The following SEL1L variants were observed in gnomAD, a reference collection of about 807,000 sequenced individuals.
SEL1L encodes SEL1L adaptor subunit of SYVN1 ubiquitin ligase.
A neutral mutation model predicts 109.8 loss-of-function variants in SEL1L; 52 were observed. The ratio of observed to expected loss-of-function variants is 0.47; its 90% CI spans 0.38 to 0.60. The LOEUF (loss-of-function observed/expected upper bound fraction) is 0.60. Among genes scored for constraint, SEL1L ranks in the 20% least tolerant of loss-of-function variants. SEL1L has a pLI of 0.00. For synonymous variants in SEL1L, 373 were observed against 339.6 expected (o/e 1.10, Z -1.08); for missense variants, 749 against 962.2 (o/e 0.78, Z 2.93).
intron 8 of SEL1L, 168 bp from the exon 9 acceptor site, chr14:81,498,662 C>A: frequency 1.8e-6 from 1 of 542,062 alleles, no homozygotes; most frequent in Non-Finnish European, 3.3e-6. Context: ...GATTCAGCAA[C>A]TTCAACAAGA....
intron 3 of SEL1L, among the ~76,000 whole-genome samples, chr14:81,522,767 A>G (rs1416536087): frequency 1.3e-5 from 2 of 152,310 alleles, no homozygotes; most frequent in East Asian, 3.9e-4. Flanking sequence ...ATGACGTAGT[A>G]CTTGCATATA....
At chr14:81,498,718 C>T (rs1883884744) in intron 8 of SEL1L, 4 of 387,456 alleles carry the variant, frequency 1.0e-5, no homozygotes, top group Non-Finnish European at 1.8e-5. Flanking sequence ...GTTCCTAGAG[C>T]AATCAAAATA....
At chr14:81,521,248 A>G (rs545555357) in intron 3 of SEL1L, among the ~76,000 whole-genome samples, 1 of 152,222 alleles carries the variant, frequency 6.6e-6, no homozygotes, top group African/African-American at 2.4e-5. Context: ...TGCTTATATT[A>G]TCTAACCCAC....
intron 18 of SEL1L, 138 bp from the exon 19 acceptor site, chr14:81,484,535 C>A: frequency 1.3e-6 from 1 of 776,754 alleles, no homozygotes; most frequent in Non-Finnish European, 2.0e-6. Flanking sequence ...GTAACAAATC[C>A]TTTCAGCCAA....
At chr14:81,478,047 T>C (rs186627440) in intron 20 of SEL1L, among the ~76,000 whole-genome samples, 1 of 152,360 alleles carries the variant, frequency 6.6e-6, no homozygotes, top group Admixed American at 6.5e-5. Flanking sequence ...AACATCTGAA[T>C]TGAAACCTGA....
In SEL1L at chr14:81,484,372, G is replaced by A. The variant is rs374882097; in HGVS notation, c.1899C>T (p.Leu633=). 2.3e-5 allele frequency: 37 copies of A among 1,613,750 alleles called. No individual in the cohort carries two copies. The highest frequency in any genetic ancestry group is 1.8e-4 in the Admixed American group (11 of 60,002). The part of the protein sequence containing the change: ...SQGYTVARIK[L]GDYHFYGFGT... ...CAAACCCATAGAAATGGTAGTCTCC[G>A]AGCTTAATTCTAGCCACAGTATAGC... Residue 633 remains leucine, a synonymous_variant, in exon 19 of 21, where the codon CTC becomes CTT. Coordinates refer to ENST00000336735, the MANE Select transcript of SEL1L (RefSeq NM_005065.6).
At chr14:81,522,237 C>A (rs756692871) in intron 3 of SEL1L, among the ~76,000 whole-genome samples, 1 of 152,048 alleles carries the variant, frequency 6.6e-6, no homozygotes, top group Non-Finnish European at 1.5e-5. Flanking sequence ...TTTAGTGCAG[C>A]CTAAGTGTAC....
chr14:81,485,659 A>G lies in SEL1L; in HGVS notation c.1873+13T>C. On this transcript the variant is annotated intron_variant, in intron 18 of 20. Transcript: ENST00000336735. The stretch of plus-strand genomic sequence containing the variant: ...CCCTGGGTGAAACTCTTATCTTAGA[A>G]TTAATCACTTACCTTGAGAGGCGGC... 1 of 1,610,388 alleles carries G rather than the reference A, an allele frequency of 6.2e-7. No homozygotes were observed. The highest frequency in any genetic ancestry group is 8.5e-7 in the Non-Finnish European group (1 of 1,176,662).
At chr14:81,489,200 A>G in intron 14 of SEL1L, 52 bp downstream of exon 14, 3 of 1,498,502 alleles carry the variant, frequency 2.0e-6, no homozygotes, top group Non-Finnish European at 1.9e-6. Flanking sequence ...ACATGTCCCT[A>G]CCTCTCCAGC....
intron 3 of SEL1L, among the ~76,000 whole-genome samples, chr14:81,508,168 T>A (rs375790192): frequency 2.6e-5 from 4 of 152,052 alleles, no homozygotes; most frequent in African/African-American, 9.7e-5. Context: ...AAAAGACATA[T>A]CCTACAATAC....
In SEL1L at chr14:81,499,537, T is replaced by A. The variant is rs918313292; in HGVS notation, c.832-19A>T. ...CAAGAGCCTGTGAAAGAACAAAACA[T>A]GTTTAACTGAACATAGGCACGCATT... On this transcript the variant is annotated intron_variant, in intron 7 of 20. Transcript: ENST00000336735. The A allele has an allele frequency of 6.2e-7, 1 of 1,609,580 alleles. No individual in the cohort carries two copies. The highest frequency in any genetic ancestry group is 8.5e-7 in the Non-Finnish European group (1 of 1,178,926).
At chr14:81,510,197 G>A (rs1305103087) in intron 3 of SEL1L, among the ~76,000 whole-genome samples, 1 of 152,198 alleles carries the variant, frequency 6.6e-6, no homozygotes, top group African/African-American at 2.4e-5. Context: ...CAATTAGAAT[G>A]TGACTAGTGG....
At chr14:81,531,679 C>T (rs116979344) in intron 1 of SEL1L, among the ~76,000 whole-genome samples, 1,989 of 152,110 alleles carry the variant, frequency 0.013, 16 homozygotes, top group Middle Eastern at 0.014. Context: ...CTCAGCCTCC[C>T]GAGTAGCTGG....
rs775100199 is a variant in SEL1L at position 81,486,309 on chromosome 14, G to A, written c.1778C>T (p.Ala593Val). The A allele has an allele frequency of 9.3e-6, 15 of 1,614,114 alleles. No homozygotes were observed. Among genetic ancestry groups the A allele is most frequent in the South Asian group, 2.2e-5 (2 of 91,076 alleles). The change falls in exon 17 of 21, where the codon GCA becomes GTA. Residue 593 changes from alanine (A) to valine (V), a missense_variant. Coordinates refer to ENST00000336735, the MANE Select transcript of SEL1L (RefSeq NM_005065.6). ...CTTACTCTGATCAAGAATAAAGGCT[G>A]CATTGCTTTGTGCCACTTCATAGCC... ...EQGYEVAQSN[A>V]AFILDQREAS... is the part of the protein sequence containing the mutation.
chr14:81,486,432 C>T lies in SEL1L; in HGVS notation c.1655G>A (p.Arg552Gln). 6.2e-7 allele frequency: 1 copy of T among 1,613,862 alleles called. No individual in the cohort carries two copies. The highest frequency in any genetic ancestry group is 8.5e-7 in the Non-Finnish European group (1 of 1,179,924). ...CATAAGCCTTTCAGACCAACGGCCT[C>T]GTTCACATACATTCTTAAACAACTG... ...AVELFKNVCE[R>Q]GRWSERLMTA... Residue 552 changes from arginine to glutamine, a missense_variant, in exon 17 of 21, where the codon CGA becomes CAA. By Grantham distance (43) the Arg-to-Gln change is conservative. This residue lies in a region of SEL1L where 383 missense variants were observed against 562.5 expected (regional missense o/e 0.68). Coordinates refer to ENST00000336735, the MANE Select transcript of SEL1L (RefSeq NM_005065.6).
chr14:81,490,330 A>T, intron 13 of SEL1L, 58 bp downstream of exon 13: 1 of 1,297,098 alleles, frequency 7.7e-7, no homozygotes, highest in Non-Finnish European at 1.1e-6. Context: ...TAACAAATTC[A>T]TTTATTAAAA....
intron 13 of SEL1L, among the ~76,000 whole-genome samples, chr14:81,490,042 A>G (rs17560087): frequency 0.14 from 22,048 of 152,208 alleles, 1,984 homozygotes; most frequent in East Asian, 0.19. Context: ...ATGTACTATG[A>G]TTATCAAAAG....
intron 3 of SEL1L, among the ~76,000 whole-genome samples, chr14:81,510,514 C>CTCTCTATATATATATATATATA (rs35474067): frequency 2.9e-5 from 3 of 104,050 alleles, no homozygotes; most frequent in Admixed American, 2.1e-4. Flanking sequence ...CTCTCTCTCT[C>CTCTCTATATATATATATATATA]TATATATATA....
At chr14:81,520,540 G>T (rs1055469477) in intron 3 of SEL1L, among the ~76,000 whole-genome samples, 4 of 152,174 alleles carry the variant, frequency 2.6e-5, no homozygotes, top group African/African-American at 9.7e-5. Context: ...TAACACAAAA[G>T]AAGCAAAAAC....
Sources: allele counts gnomAD v4.1 joint callset (sites outside exome capture counted in the v4.1 genomes callset), GRCh38; gene constraint gnomAD v4.1.1; regional missense constraint gnomAD v4.1.1; transcripts MANE v1.5; gene names NCBI Gene and HGNC (gene_info 2026-07-23, HGNC 2026-07-21).